GABRA2: variants seen among roughly 807,000 people sequenced by gnomAD.
GABRA2 encodes the protein gamma-aminobutyric acid receptor subunit alpha-2.
Under a neutral mutation model 48.7 loss-of-function variants are expected in GABRA2, and 16 were observed. The observed-to-expected ratio is 0.33, with a 90% CI of 0.22 to 0.50. The LOEUF is 0.50. Ranked by LOEUF, GABRA2 falls within the 20% of genes least tolerant of loss-of-function variation. The pLI is 0.98. For synonymous variants in GABRA2, 185 were observed against 184.5 expected (o/e 1.00, Z -0.02); for missense variants, 275 against 535.6 (o/e 0.51, Z 4.80).
chr4:46,304,022 GT>G (rs1019789192), intron 7 of GABRA2, among the ~76,000 whole-genome samples: 36 of 150,754 alleles, frequency 2.4e-4, no homozygotes, highest in Admixed American at 5.9e-4. Context: ...AGGTTTTTTT[GT>G]TTTTTTTTAA....
intron 8 of GABRA2, among the ~76,000 whole-genome samples, chr4:46,281,014 A>G (rs894578342): frequency 2.0e-5 from 3 of 152,180 alleles, no homozygotes; most frequent in Non-Finnish European, 4.4e-5. Context: ...CTAAGAGAAG[A>G]TGAAGTTTCT....
At chr4:46,279,059 C>T (rs1474325474) in intron 8 of GABRA2, among the ~76,000 whole-genome samples, 1 of 151,828 alleles carries the variant, frequency 6.6e-6, no homozygotes, top group Non-Finnish European at 1.5e-5. Flanking sequence ...TGGGAACTCC[C>T]AGAACTTACA....
At chr4:46,250,648 C>A in intron 9 of GABRA2, 44 bp from the exon 10 acceptor site, 1 of 1,417,592 alleles carries the variant, frequency 7.1e-7, no homozygotes, top group Non-Finnish European at 9.7e-7. Flanking sequence ...GTTGAGTCTG[C>A]TACTTAACAT....
intron 3 of GABRA2, among the ~76,000 whole-genome samples, chr4:46,378,950 G>A (rs1017428249): frequency 3.3e-5 from 5 of 152,034 alleles, no homozygotes; most frequent in South Asian, 2.1e-4. Flanking sequence ...ACATACCAGC[G>A]CTGCCACATA....
At chr4:46,367,594 T>C (rs1354293463) in intron 3 of GABRA2, 11 of 152,136 alleles carry the variant, frequency 7.2e-5, no homozygotes, top group Admixed American at 7.2e-4. Context: ...CACTGCCTTC[T>C]AACACCAAGA....
intron 3 of GABRA2, among the ~76,000 whole-genome samples, chr4:46,348,561 G>A (rs1196074634): frequency 6.6e-6 from 1 of 151,980 alleles, no homozygotes; most frequent in East Asian, 1.9e-4. Context: ...TTAAGAAAAT[G>A]TGGCACATAT....
chr4:46,298,023 C>T (rs1445307319), intron 8 of GABRA2, among the ~76,000 whole-genome samples: 1 of 151,912 alleles, frequency 6.6e-6, no homozygotes, highest in Non-Finnish European at 1.5e-5. Context: ...TGTCTGATTT[C>T]CACATATTGG....
At chr4:46,322,353 TG>T (rs1729598877) in intron 4 of GABRA2, among the ~76,000 whole-genome samples, 1 of 151,866 alleles carries the variant, frequency 6.6e-6, no homozygotes, top group Non-Finnish European at 1.5e-5. Context: ...TCTAAAGCCC[TG>T]GGGGTGAAGT....
In GABRA2 at chr4:46,375,104, A is replaced by G. The variant is rs567862899; in HGVS notation, c.187+10970T>C. ...CTTAAAAAGGTATAATAAAAACACA[A>G]AAATAGCAAAACTACCACTAATGCT... On this transcript the variant is annotated intron_variant, in intron 3 of 9. Coordinates refer to ENST00000381620, the MANE Select transcript of GABRA2 (RefSeq NM_000807.4). 7.9e-5 allele frequency among the ~76,000 whole-genome samples: 12 copies of G among 152,252 alleles called. No homozygotes were observed. The East Asian group carries it at 2.3e-3, about 29-fold the overall frequency.
chr4:46,256,371 G>C, intron 9 of GABRA2: 1 of 629,126 alleles, frequency 1.6e-6, no homozygotes. Flanking sequence ...TTTATTGAAG[G>C]GGACTACAAG....
At chr4:46,273,885 G>T (rs1344781044) in intron 8 of GABRA2, among the ~76,000 whole-genome samples, 1 of 151,948 alleles carries the variant, frequency 6.6e-6, no homozygotes, top group Non-Finnish European at 1.5e-5. Flanking sequence ...TCATTTTAAG[G>T]GCATGTTCCC....
chr4:46,353,315 C>G (rs568812945), intron 3 of GABRA2, among the ~76,000 whole-genome samples: 4 of 152,184 alleles, frequency 2.6e-5, no homozygotes, highest in African/African-American at 9.6e-5. Flanking sequence ...ACCACTGTCT[C>G]TCACCTAGGT....
chr4:46,337,168 T>C (rs1732389266), intron 3 of GABRA2, among the ~76,000 whole-genome samples: 1 of 152,098 alleles, frequency 6.6e-6, no homozygotes, highest in African/African-American at 2.4e-5. Context: ...AAATTTGTAA[T>C]ACAAGAAATG....
At chr4:46,297,091 T>C (rs1724859101) in intron 8 of GABRA2, among the ~76,000 whole-genome samples, 3 of 152,144 alleles carry the variant, frequency 2.0e-5, no homozygotes, top group Admixed American at 2.0e-4. Context: ...GGACTTGTGA[T>C]GGTTAATACT....
intron 4 of GABRA2, among the ~76,000 whole-genome samples, chr4:46,325,168 T>G (rs1247723393): frequency 2.0e-5 from 3 of 152,030 alleles, no homozygotes; most frequent in African/African-American, 7.2e-5. Flanking sequence ...ATCTCCAAAT[T>G]GCTTTCCACA....
At chr4:46,276,090 A>T (rs909462687) in intron 8 of GABRA2, among the ~76,000 whole-genome samples, 1 of 152,100 alleles carries the variant, frequency 6.6e-6, no homozygotes, top group African/African-American at 2.4e-5. Flanking sequence ...CTCTTACCAA[A>T]AATAATCAAA....
chr4:46,310,714 C>T (rs1043220434), intron 5 of GABRA2, among the ~76,000 whole-genome samples: 2 of 152,114 alleles, frequency 1.3e-5, no homozygotes, highest in Admixed American at 6.6e-5. Context: ...TGAATTGTTA[C>T]TGTATACTGC....
rs139358477 is a variant in GABRA2, at chr4:46,319,364, T to G, written c.256-6648A>C. 1.6e-4 allele frequency among the ~76,000 whole-genome samples: 24 copies of G among 151,860 alleles called. No homozygotes were observed. In the East Asian group the frequency reaches 3.9e-3, roughly 25 times the overall value. On this transcript the variant is annotated intron_variant, in intron 4 of 9. Coordinates refer to ENST00000381620, the MANE Select transcript of GABRA2 (RefSeq NM_000807.4). ...ACTTATTACATTATACTCTTGTGGC[T>G]AATAAAGGCTAGTCTCCCTTGAGTA...
At chr4:46,371,843 A>G (rs531333157) in intron 3 of GABRA2, among the ~76,000 whole-genome samples, 126 of 152,330 alleles carry the variant, frequency 8.3e-4, no homozygotes, top group African/African-American at 3.0e-3. Flanking sequence ...TATTATAATA[A>G]TATTTAGTGA....
Sources: allele counts gnomAD v4.1 joint callset (sites outside exome capture counted in the v4.1 genomes callset), GRCh38; gene constraint gnomAD v4.1.1; transcripts MANE v1.5; gene names NCBI Gene and HGNC (gene_info 2026-07-23, HGNC 2026-07-21).